TMEM132C: variants seen among roughly 807,000 people sequenced by gnomAD.
The protein encoded by TMEM132C is transmembrane protein 132C.
Under a neutral mutation model 61.4 loss-of-function variants are expected in TMEM132C, and 29 were observed. That is an observed-to-expected ratio of 0.47 (90% CI 0.35 to 0.64). TMEM132C has a LOEUF of 0.64. Among genes scored for constraint, TMEM132C ranks in the 30% least tolerant of loss-of-function variants. The pLI is 0.00. For missense variants in TMEM132C, 1,408 were observed against 1,476.9 expected (o/e 0.95, Z 0.76); for synonymous variants, 656 against 633.1 (o/e 1.04, Z -0.54).
intron 2 of TMEM132C, among the ~76,000 whole-genome samples, chr12:128,419,154 C>T (rs12371541): frequency 0.34 from 51,188 of 152,038 alleles, 10,367 homozygotes; most frequent in Non-Finnish European, 0.45. Flanking sequence ...GTGACACAAC[C>T]AAAGGGCATA....
intron 8 of TMEM132C, among the ~76,000 whole-genome samples, chr12:128,702,713 C>T (rs1954812496): frequency 6.6e-6 from 1 of 152,180 alleles, no homozygotes; most frequent in South Asian, 2.1e-4. Flanking sequence ...GTTATCCCAC[C>T]CAAGTGTGGG....
Position 128,300,991 on chromosome 12 carries a change from G to A in TMEM132C, c.85+33504G>A, listed in dbSNP as rs551767425. On this transcript the variant is annotated intron_variant, in intron 1 of 8. Coordinates refer to ENST00000435159, the MANE Select transcript of TMEM132C (RefSeq NM_001136103.3). ...AGGAGTTTGAGGCTACAGTGAGCTA[G>A]GAATTCATCCCTGCATGCCAGCCCA... Among the ~76,000 whole-genome samples the A allele has an allele frequency of 6.5e-4, 99 of 152,278 alleles. 1 individual carries two copies. Among genetic ancestry groups the A allele is most frequent in the Non-Finnish European group, 1.1e-3 (73 of 68,022 alleles).
intron 2 of TMEM132C, among the ~76,000 whole-genome samples, chr12:128,500,837 A>G (rs560320555): frequency 2.6e-5 from 4 of 152,354 alleles, no homozygotes; most frequent in South Asian, 4.1e-4. Context: ...ATATATATAT[A>G]TATGCAAGAG....
intron 5 of TMEM132C, among the ~76,000 whole-genome samples, chr12:128,687,014 C>T (rs1160001783): frequency 6.6e-6 from 1 of 151,788 alleles, no homozygotes; most frequent in Non-Finnish European, 1.5e-5. Context: ...CTGGCCAACA[C>T]GGTGAAACCT....
chr12:128,397,668 C>T lies in TMEM132C; in HGVS notation c.86-17064C>T, dbSNP rs568316195. Among the ~76,000 whole-genome samples, 5 of 152,254 alleles carry T rather than the reference C, an allele frequency of 3.3e-5. No individual in the cohort carries two copies. The South Asian group carries it at 1.0e-3, about 32-fold the overall frequency. On this transcript the variant is annotated intron_variant, in intron 1 of 8. Transcript: ENST00000435159. ...CCAAGGCCTGGGTCCCAATGCTTTTCTCTTCTTCTTCTCTTCTGCGTTCCA... is the reference window on the plus strand; with the variant it reads ...CCAAGGCCTGGGTCCCAATGCTTTTTTCTTCTTCTTCTCTTCTGCGTTCCA...
At chr12:128,523,424 A>G (rs749525525) in intron 2 of TMEM132C, among the ~76,000 whole-genome samples, 3 of 152,320 alleles carry the variant, frequency 2.0e-5, no homozygotes, top group East Asian at 1.9e-4. Flanking sequence ...ATTTTATGTT[A>G]TGTGTATTTT....
intron 5 of TMEM132C, among the ~76,000 whole-genome samples, chr12:128,690,541 G>A (rs1954712256): frequency 6.6e-6 from 1 of 152,076 alleles, no homozygotes; most frequent in South Asian, 2.1e-4. Context: ...TCCCACCAGA[G>A]CTCAGAAAGG....
At chr12:128,646,863 T>C (rs1019747100) in intron 4 of TMEM132C, among the ~76,000 whole-genome samples, 5 of 151,050 alleles carry the variant, frequency 3.3e-5, no homozygotes, top group African/African-American at 4.9e-5. Flanking sequence ...TCCATCAGCA[T>C]TGGATGAATG....
intron 2 of TMEM132C, among the ~76,000 whole-genome samples, chr12:128,492,896 T>C (rs1259098533): frequency 2.0e-5 from 3 of 152,238 alleles, no homozygotes; most frequent in Non-Finnish European, 4.4e-5. Flanking sequence ...TGCCATTGCT[T>C]TTGGTGTTTA....
intron 1 of TMEM132C, among the ~76,000 whole-genome samples, chr12:128,382,269 T>C (rs552374492): frequency 9.9e-5 from 15 of 152,192 alleles, no homozygotes; most frequent in Non-Finnish European, 1.9e-4. Context: ...TAAAAAGTTA[T>C]ATAAATGCTA....
chr12:128,565,712 G>A (rs1413355757), intron 3 of TMEM132C, among the ~76,000 whole-genome samples: 1 of 152,082 alleles, frequency 6.6e-6, no homozygotes, highest in Admixed American at 6.6e-5. Context: ...CCACCTAGCA[G>A]AGTAGAAGAA....
At chr12:128,452,718 A>G (rs1279690743) in intron 2 of TMEM132C, among the ~76,000 whole-genome samples, 3 of 151,852 alleles carry the variant, frequency 2.0e-5, no homozygotes, top group Admixed American at 2.0e-4. Context: ...AAAAACCAAA[A>G]ACAAAACTTA....
At chr12:128,596,827 C>T (rs1377292066) in intron 3 of TMEM132C, among the ~76,000 whole-genome samples, 2 of 152,262 alleles carry the variant, frequency 1.3e-5, no homozygotes, top group Non-Finnish European at 2.9e-5. Context: ...GCTCTTCCCA[C>T]TGAAGACTGT....
rs144649057 is a variant in TMEM132C, at chr12:128,586,786, C to T, written c.1122-29366C>T. The stretch of plus-strand genomic sequence containing the variant: ...TCTCATCCTTGCCTCATCCCTGAAG[C>T]CACGTCTGGCTCATGCTGTGGGGAG... On this transcript the variant is annotated intron_variant, in intron 3 of 8. Transcript: ENST00000435159. Among the ~76,000 whole-genome samples, 74 of 152,358 alleles carry T rather than the reference C, an allele frequency of 4.9e-4. 1 individual carries two copies. The East Asian group carries it at 0.013, about 27-fold the overall frequency.
intron 1 of TMEM132C, 120 bp downstream of exon 1, chr12:128,267,607 C>T: frequency 1.2e-6 from 1 of 809,504 alleles, no homozygotes; most frequent in Non-Finnish European, 1.6e-6. Flanking sequence ...GGGCTCGGAT[C>T]CCATCAACAG....
chr12:128,311,592 C>T (rs974855804), intron 1 of TMEM132C, among the ~76,000 whole-genome samples: 1 of 152,206 alleles, frequency 6.6e-6, no homozygotes, highest in African/African-American at 2.4e-5. Flanking sequence ...CCCAGAGGTG[C>T]GCTTAGCTCA....
At chr12:128,369,794 G>C (rs994050921) in intron 1 of TMEM132C, among the ~76,000 whole-genome samples, 2 of 152,150 alleles carry the variant, frequency 1.3e-5, no homozygotes, top group Admixed American at 6.5e-5. Context: ...TTGTTTCATC[G>C]AGGCGTGCTG....
intron 1 of TMEM132C, among the ~76,000 whole-genome samples, chr12:128,344,828 A>T (rs1051815020): frequency 6.6e-6 from 1 of 152,096 alleles, no homozygotes; most frequent in Non-Finnish European, 1.5e-5. Context: ...AGGTAGATCT[A>T]GATATCCAAA....
chr12:128,536,557 G>T (rs2136140991), intron 2 of TMEM132C, among the ~76,000 whole-genome samples: 1 of 151,530 alleles, frequency 6.6e-6, no homozygotes, highest in Middle Eastern at 3.4e-3. Flanking sequence ...TGGCTGTGTG[G>T]CTGGCATGCT....
Sources: allele counts gnomAD v4.1 joint callset (sites outside exome capture counted in the v4.1 genomes callset), GRCh38; gene constraint gnomAD v4.1.1; transcripts MANE v1.5; gene names NCBI Gene and HGNC (gene_info 2026-07-23, HGNC 2026-07-21).